Variants in NUP160 observed in about 807,000 individuals in gnomAD.
NUP160 encodes the protein nucleoporin 160, also known as nuclear pore complex protein Nup160.
Under a neutral mutation model 196.9 loss-of-function variants are expected in NUP160, and 94 were observed. The ratio of observed to expected loss-of-function variants is 0.48; its 90% CI spans 0.40 to 0.57. The LOEUF (loss-of-function observed/expected upper bound fraction) is 0.57, where lower values mean the gene tolerates loss of function less well. Ranked by LOEUF, NUP160 falls within the 20% of genes least tolerant of loss-of-function variation. The probability of loss-of-function intolerance (pLI) is 0.00; values close to 1 mark genes in which losing one functional copy is unlikely to be tolerated. For synonymous variants in NUP160, 605 were observed against 619.7 expected, an observed-to-expected ratio of 0.98 and a Z score of 0.35; for missense variants, 1,638 against 1,748.3, an observed-to-expected ratio of 0.94 and a Z score of 1.13.
chr11:47,838,606 G>A (rs528446367), intron 4 of NUP160, among the ~76,000 whole-genome samples: 2 of 151,112 alleles, frequency 1.3e-5, no homozygotes, highest in South Asian at 4.2e-4. Context: ...TACTTGGGAG[G>A]CTGAGACATG....
intron 7 of NUP160, among the ~76,000 whole-genome samples, chr11:47,831,106 T>C (rs1599341724): frequency 6.6e-6 from 1 of 152,128 alleles, no homozygotes; most frequent in East Asian, 1.9e-4. Context: ...GAGGTTGCAG[T>C]GAGCCGAGAT....
At chr11:47,792,669 G>A (rs193047367) in intron 28 of NUP160, 117 bp downstream of exon 28, 2 of 955,620 alleles carry the variant, frequency 2.1e-6, no homozygotes. Flanking sequence ...AAATATCTCA[G>A]TAGAAATTGT....
At chr11:47,809,016 G>A (rs751509998) in intron 17 of NUP160, among the ~76,000 whole-genome samples, 2 of 151,594 alleles carry the variant, frequency 1.3e-5, no homozygotes, top group African/African-American at 2.4e-5. Context: ...CAGGAGAATC[G>A]CTTGAACCCA....
chr11:47,798,154 G>C lies in NUP160; in HGVS notation c.3086+14C>G. On this transcript the variant is annotated intron_variant, in intron 25 of 35. Coordinates refer to ENST00000378460, the Ensembl canonical transcript of NUP160. ...TTGGTAAATTGTCTTCTCTAAAAAA[G>C]GCCATGAAATTACCTGCTGGAATCA... 1 of 1,595,264 alleles carries C rather than the reference G, an allele frequency of 6.3e-7. No homozygotes were observed. Among genetic ancestry groups the C allele is most frequent in the Non-Finnish European group, 8.6e-7 (1 of 1,165,070 alleles).
At chr11:47,803,399 A>G (rs2097675533) in intron 22 of NUP160, 39 bp downstream of exon 22, 1 of 1,253,280 alleles carries the variant, frequency 8.0e-7, no homozygotes, top group Non-Finnish European at 1.2e-6. Flanking sequence ...CCTTGCGTTA[A>G]AGTTTATAAA....
chr11:47,846,663 G>A (rs528212465), intron 2 of NUP160, among the ~76,000 whole-genome samples: 1 of 152,074 alleles, frequency 6.6e-6, no homozygotes, highest in African/African-American at 2.4e-5. Flanking sequence ...ACCCTTACTT[G>A]GGCCATGATA....
chr11:47,779,673 T>C (rs1769461083), intron 35 of NUP160: 4 of 468,882 alleles, frequency 8.5e-6, no homozygotes, highest in Non-Finnish European at 1.7e-5. Flanking sequence ...CTGAGAAATG[T>C]TGTTATATAT....
At chr11:47,813,684 A>G (rs1047391694) in intron 13 of NUP160, among the ~76,000 whole-genome samples, 9 of 151,258 alleles carry the variant, frequency 6.0e-5, no homozygotes, top group African/African-American at 2.2e-4. Context: ...AAATTAGCCA[A>G]GTGTGGTGGC....
At chr11:47,818,700 T>C (rs1274624822) in intron 10 of NUP160, among the ~76,000 whole-genome samples, 1 of 152,160 alleles carries the variant, frequency 6.6e-6, no homozygotes, top group African/African-American at 2.4e-5. Flanking sequence ...CTAACAGTCA[T>C]TCAAGTTTCC....
rs372114577 is a variant in NUP160 at position 47,783,169 on chromosome 11, T to G, written c.4020A>C (p.Leu1340Phe). The change falls in exon 34 of 36, where the codon TTA becomes TTC. Residue 1340 changes from leucine (L) to phenylalanine (F), a missense_variant. Leu to Phe is a conservative substitution (Grantham distance 22). Coordinates refer to ENST00000378460, the Ensembl canonical transcript of NUP160. ...CTTCTAAAAGGTCATAGTTTAAGTATAAACGAAGCAATTCAGCAGCATCAA... is the reference window on the plus strand; with the variant it reads ...CTTCTAAAAGGTCATAGTTTAAGTAGAAACGAAGCAATTCAGCAGCATCAA... 70 of 1,613,628 alleles carry G rather than the reference T, an allele frequency of 4.3e-5. No individual in the cohort carries two copies. The highest frequency in any genetic ancestry group is 5.3e-5 in the Non-Finnish European group (62 of 1,179,864).
intron 27 of NUP160, chr11:47,796,350 C>T (rs1412126382): frequency 4.7e-6 from 3 of 634,818 alleles, no homozygotes; most frequent in Non-Finnish European, 8.5e-6. Flanking sequence ...TTTGCCCTGA[C>T]AAATGGAATT....
intron 29 of NUP160, among the ~76,000 whole-genome samples, chr11:47,789,701 T>C (rs932693112): frequency 6.6e-6 from 1 of 151,756 alleles, no homozygotes; most frequent in African/African-American, 2.4e-5. Context: ...ATAACGTTAC[T>C]ACTATGTATA....
intron 4 of NUP160, 43 bp from the exon 5 acceptor site, chr11:47,837,666 A>T (rs1197226105): frequency 6.9e-7 from 1 of 1,457,482 alleles, no homozygotes. Flanking sequence ...ACTTAGAGAA[A>T]CCCAAAGGCA....
chr11:47,826,999 AC>A (rs989297644), intron 7 of NUP160: 44 of 455,620 alleles, frequency 9.7e-5, no homozygotes, highest in Admixed American at 9.4e-4. Context: ...CAAACTGAAC[AC>A]CCTTTCAAGA....
At chr11:47,806,984 A>T in intron 19 of NUP160, 86 bp downstream of exon 19, 1 of 956,796 alleles carries the variant, frequency 1.0e-6, no homozygotes, top group Non-Finnish European at 1.7e-6. Flanking sequence ...CAACCTTTCT[A>T]TGGCAAAGGT....
rs144983280 is a variant in NUP160, at chr11:47,840,538, T to C, written c.365A>G (p.Asn122Ser). 1 of 1,613,714 alleles carries C rather than the reference T, an allele frequency of 6.2e-7. No homozygotes were observed. Among genetic ancestry groups the C allele is most frequent in the Non-Finnish European group, 8.5e-7 (1 of 1,179,732 alleles). Residue 122 changes from asparagine to serine, a missense_variant, in exon 3 of 36, where the codon AAT becomes AGT. Around this residue, in one of 3 missense-constraint regions of NUP160, gnomAD observed 287 missense variants for 259.5 expected, o/e 1.11. Coordinates refer to ENST00000378460, the Ensembl canonical transcript of NUP160. ...TAGGCGAATGGCATTATTCAACAGA[T>C]TTATGTCCAGTGACTCCTCCATCAG...
At chr11:47,810,341 G>A (rs2097680374) in intron 17 of NUP160, among the ~76,000 whole-genome samples, 1 of 151,916 alleles carries the variant, frequency 6.6e-6, no homozygotes, top group African/African-American at 2.4e-5. Context: ...AGGACTACAG[G>A]CTTGCTGCAC....
At chr11:47,788,508 T>G (rs767247221) in exon 30 of NUP160, 1 of 1,612,898 alleles carries the variant, frequency 6.2e-7, no homozygotes, top group South Asian at 1.1e-5. Context: ...TACCAGCAAC[T>G]GCAACCGCTG....
chr11:47,809,975 T>G (rs1014024331), intron 17 of NUP160, among the ~76,000 whole-genome samples: 2 of 152,060 alleles, frequency 1.3e-5, no homozygotes, highest in Non-Finnish European at 2.9e-5. Context: ...ATTTTTTAAA[T>G]TTTTGCTTAT....
Sources: allele counts gnomAD v4.1 joint callset (sites outside exome capture counted in the v4.1 genomes callset), GRCh38; gene constraint gnomAD v4.1.1; regional missense constraint gnomAD v4.1.1; transcripts MANE v1.5; gene names NCBI Gene and HGNC (gene_info 2026-07-23, HGNC 2026-07-21).